LANCL2: variants seen among roughly 807,000 people sequenced by gnomAD.
LANCL2 encodes lanC-like protein 2.
LANCL2 carries 33 observed loss-of-function variants against 56.9 expected under a neutral mutation model. That is an observed-to-expected ratio of 0.58 (90% CI 0.44 to 0.78). The LOEUF is 0.78. LANCL2 is among the 30% of genes least tolerant of loss of function. The pLI is 0.00. For synonymous variants in LANCL2, 233 were observed against 228.2 expected (o/e 1.02, Z -0.19); for missense variants, 562 against 580.2 (o/e 0.97, Z 0.32).
chr7:55,368,406 AAG>A, intron 1 of LANCL2, among the ~76,000 whole-genome samples: 1 of 152,342 alleles, frequency 6.6e-6, no homozygotes, highest in Non-Finnish European at 1.5e-5. Context: ...ATGCTAAAGA[AAG>A]AAATGGACAT....
At chr7:55,420,723 A>G (rs755340493) in intron 6 of LANCL2, among the ~76,000 whole-genome samples, 1 of 152,242 alleles carries the variant, frequency 6.6e-6, no homozygotes, top group Non-Finnish European at 1.5e-5. Flanking sequence ...ATGAACCATC[A>G]TGACCTCACT....
intron 5 of LANCL2, among the ~76,000 whole-genome samples, chr7:55,408,377 GGGACATA>G (rs1282945698): frequency 2.6e-5 from 4 of 152,050 alleles, no homozygotes; most frequent in African/African-American, 9.7e-5. Flanking sequence ...CTAGAAATGA[GGGACATA>G]GGCTGGGCGC....
At chr7:55,402,133 C>G (rs1790337669) in intron 5 of LANCL2, among the ~76,000 whole-genome samples, 1 of 146,224 alleles carries the variant, frequency 6.8e-6, no homozygotes, top group African/African-American at 2.5e-5. Context: ...CAGAGGCGCC[C>G]CTCACCTCCC....
At chr7:55,417,793 C>T (rs1036207618) in intron 6 of LANCL2, among the ~76,000 whole-genome samples, 1 of 132,040 alleles carries the variant, frequency 7.6e-6, no homozygotes, top group East Asian at 2.8e-4. Context: ...ATTCTCCTGC[C>T]TCAGCCTCCT....
At chr7:55,420,776 T>C (rs1381752418) in intron 6 of LANCL2, among the ~76,000 whole-genome samples, 1 of 152,250 alleles carries the variant, frequency 6.6e-6, no homozygotes, top group Non-Finnish European at 1.5e-5. Context: ...GGGCTTGTAG[T>C]GTGCTGACCC....
intron 5 of LANCL2, among the ~76,000 whole-genome samples, chr7:55,407,754 AG>A (rs1790425776): frequency 6.6e-6 from 1 of 152,236 alleles, no homozygotes; most frequent in Non-Finnish European, 1.5e-5. Context: ...TGGCCACCCC[AG>A]GCAGTTTGTG....
At chr7:55,402,501 C>A (rs1228564455) in intron 5 of LANCL2, among the ~76,000 whole-genome samples, 1 of 141,214 alleles carries the variant, frequency 7.1e-6, no homozygotes. Context: ...TAGGGGCGGC[C>A]GGGCAGAGGC....
At chr7:55,412,168 A>G in intron 6 of LANCL2, 79 bp downstream of exon 6, 1 of 1,371,422 alleles carries the variant, frequency 7.3e-7, no homozygotes, top group Non-Finnish European at 1.0e-6. Context: ...TTGCTTTGGT[A>G]AGGCCATTTG....
intron 1 of LANCL2, 137 bp downstream of exon 1, chr7:55,366,366 C>A: frequency 1.5e-6 from 1 of 687,692 alleles, no homozygotes; most frequent in East Asian, 3.4e-5. Context: ...GCACCTGTCT[C>A]CGGGCCTTCC....
chr7:55,391,716 A>G (rs1034553007), intron 1 of LANCL2, 77 bp from the exon 2 acceptor site: 13 of 800,368 alleles, frequency 1.6e-5, no homozygotes, highest in Non-Finnish European at 2.6e-5. Flanking sequence ...TGTTTGTACA[A>G]CTTAGACTTT....
At chr7:55,374,087 A>G (rs1202846551) in intron 1 of LANCL2, among the ~76,000 whole-genome samples, 3 of 152,366 alleles carry the variant, frequency 2.0e-5, no homozygotes, top group South Asian at 2.1e-4. Flanking sequence ...AAATCCTGCT[A>G]TCTCCATGGG....
chr7:55,415,275 C>A (rs1225964619), intron 6 of LANCL2, among the ~76,000 whole-genome samples: 8 of 152,226 alleles, frequency 5.3e-5, no homozygotes, highest in Admixed American at 2.0e-4. Flanking sequence ...CAGGGTGACA[C>A]GAGTGCAGTC....
chr7:55,416,669 G>C lies in LANCL2; in HGVS notation c.1008+4580G>C, dbSNP rs149738609. Among the ~76,000 whole-genome samples, 918 of 151,990 alleles carry C rather than the reference G, an allele frequency of 6.0e-3. 11 individuals are homozygous for C. The highest frequency in any genetic ancestry group is 0.021 in the African/African-American group (861 of 41,474). On this transcript the variant is annotated intron_variant, in intron 6 of 8. Transcript: ENST00000254770. ...TTGAAAGAATTCTTTATATGTTCTG[G>C]TTAAAGTCCCTCTGTCAGATATATA...
Position 55,401,374 on chromosome 7 carries a change from G to T in LANCL2, c.825+54G>T. On this transcript the variant is annotated intron_variant, in intron 5 of 8. Coordinates refer to ENST00000254770, the MANE Select transcript of LANCL2 (RefSeq NM_018697.4). ...GTATATTTGATCAAACATGAAATGG[G>T]AAATGAATCCTGCATATAAACAAAG... is the stretch of plus-strand genomic sequence containing the variant. 3 of 1,495,918 alleles carry T rather than the reference G, an allele frequency of 2.0e-6. No homozygotes were observed. In the Admixed American group the frequency reaches 5.2e-5, roughly 26 times the overall value. 92.7% of individuals were successfully genotyped at this position (1,495,918 alleles called of 1,614,324 possible).
intron 1 of LANCL2, among the ~76,000 whole-genome samples, chr7:55,370,346 C>T (rs867765537): frequency 2.0e-5 from 3 of 152,216 alleles, no homozygotes; most frequent in African/African-American, 2.4e-5. Flanking sequence ...TACCATCACA[C>T]CTGCCATATT....
intron 8 of LANCL2, among the ~76,000 whole-genome samples, chr7:55,429,030 G>C (rs544421925): frequency 6.6e-6 from 1 of 152,314 alleles, no homozygotes; most frequent in Admixed American, 6.5e-5. Context: ...ATATTCGTTA[G>C]ATTTGTATGT....
chr7:55,416,784 ATC>A (rs1790544446), intron 6 of LANCL2, among the ~76,000 whole-genome samples: 1 of 151,894 alleles, frequency 6.6e-6, no homozygotes, highest in African/African-American at 2.4e-5. Context: ...TTTTGATAAA[ATC>A]TATTTTTCAA....
chr7:55,419,393 T>C (rs1438665818), intron 6 of LANCL2, among the ~76,000 whole-genome samples: 1 of 150,802 alleles, frequency 6.6e-6, no homozygotes, highest in Non-Finnish European at 1.5e-5. Context: ...TCTCTTTTGT[T>C]CTTTTCCTTT....
intron 5 of LANCL2, among the ~76,000 whole-genome samples, chr7:55,405,303 T>G (rs971404939): frequency 6.6e-6 from 1 of 152,178 alleles, no homozygotes; most frequent in African/African-American, 2.4e-5. Context: ...TTGGAGGGAC[T>G]GGATGAGGTG....
Sources: gnomAD v4.1 joint callset for allele counts (sites outside exome capture counted in the v4.1 genomes callset) on GRCh38, gnomAD v4.1.1 for gene constraint, MANE v1.5 for transcripts, NCBI Gene and HGNC (gene_info 2026-07-23, HGNC 2026-07-21) for gene names.